Variants in NWD2 observed in about 807,000 individuals in gnomAD.
NWD2 encodes NACHT and WD repeat domain-containing protein 2.
In NWD2, 37 loss-of-function variants were observed where a neutral mutation model predicts 132.7. That is an observed-to-expected ratio of 0.28 (90% CI 0.21 to 0.37). The LOEUF is 0.37. Ranked by LOEUF, NWD2 falls within the 10% of genes least tolerant of loss-of-function variation. The pLI is 1.00. For missense variants in NWD2, 1,592 were observed against 2,122.4 expected, an observed-to-expected ratio of 0.75 and a Z score of 4.91; for synonymous variants, 705 against 803.0, an observed-to-expected ratio of 0.88 and a Z score of 2.06.
rs1239801461 is a variant in NWD2, at chr4:37,315,003, A to T, written c.152-10933A>T. ...TTTTGTTTTCCTTTGTGAATTTTTG[A>T]TGCATGAGTAATAATGTCAAATATT... is the stretch of plus-strand genomic sequence containing the variant. On this transcript the variant is annotated intron_variant, in intron 1 of 6. Coordinates refer to ENST00000309447, the MANE Select transcript of NWD2 (RefSeq NM_001144990.2). 2.6e-5 allele frequency among the ~76,000 whole-genome samples: 4 copies of T among 152,128 alleles called. No individual in the cohort carries two copies. The South Asian group carries it at 8.3e-4, about 32-fold the overall frequency.
chr4:37,306,405 A>C (rs941957540), intron 1 of NWD2, among the ~76,000 whole-genome samples: 2 of 152,024 alleles, frequency 1.3e-5, no homozygotes, highest in African/African-American at 4.8e-5. Context: ...GAGGCACAAC[A>C]TGAGGTTGTT....
At chr4:37,413,886 C>G (rs1721210777) in intron 3 of NWD2, among the ~76,000 whole-genome samples, 1 of 152,098 alleles carries the variant, frequency 6.6e-6, no homozygotes, top group East Asian at 1.9e-4. Flanking sequence ...AAACCAAACA[C>G]CGCATGTTCT....
intron 3 of NWD2, 92 bp from the exon 4 acceptor site, chr4:37,430,480 T>C: frequency 1.1e-6 from 1 of 870,182 alleles, no homozygotes; most frequent in Non-Finnish European, 1.8e-6. Flanking sequence ...TGTTATCTAT[T>C]GATTAATATT....
At chr4:37,438,335 C>A (rs1289349158) in intron 5 of NWD2, among the ~76,000 whole-genome samples, 1 of 151,856 alleles carries the variant, frequency 6.6e-6, no homozygotes, top group Non-Finnish European at 1.5e-5. Flanking sequence ...ACTCAATATA[C>A]CTCAAACAAA....
At chr4:37,385,528 TC>T (rs1720542045) in intron 3 of NWD2, among the ~76,000 whole-genome samples, 1 of 152,118 alleles carries the variant, frequency 6.6e-6, no homozygotes. Context: ...ATGCCTAATT[TC>T]ATCTCCCAGA....
At chr4:37,251,007 G>A (rs1717346829) in intron 1 of NWD2, among the ~76,000 whole-genome samples, 1 of 152,250 alleles carries the variant, frequency 6.6e-6, no homozygotes. Context: ...GGATGCAGTG[G>A]CTCACGCCTA....
chr4:37,426,387 C>A (rs1712008986), intron 3 of NWD2, among the ~76,000 whole-genome samples: 1 of 152,130 alleles, frequency 6.6e-6, no homozygotes, highest in African/African-American at 2.4e-5. Flanking sequence ...TTCTGAAGTT[C>A]TGTATTACCA....
intron 1 of NWD2, among the ~76,000 whole-genome samples, chr4:37,285,909 T>C (rs1718221766): frequency 6.6e-6 from 1 of 152,178 alleles, no homozygotes; most frequent in African/African-American, 2.4e-5. Flanking sequence ...TGAAAAGAAT[T>C]TCAGTCTGAT....
In NWD2 at chr4:37,445,297, C is replaced by T. The variant is rs1052725373; in HGVS notation, c.3309C>T (p.Cys1103=). 1.3e-5 allele frequency: 20 copies of T among 1,551,890 alleles called. No homozygotes were observed. The highest frequency in any genetic ancestry group is 5.9e-5 in the Admixed American group (3 of 50,990). ...YQFHCWYEVT[C]VQCSLDGLYA... ...TCCACTGCTGGTATGAAGTGACGTGCGTCCAGTGCTCCCTGGATGGTCTGT... is the reference window on the plus strand; with the variant it reads ...TCCACTGCTGGTATGAAGTGACGTGTGTCCAGTGCTCCCTGGATGGTCTGT... The change falls in exon 7 of 7, where the codon TGC becomes TGT. Residue 1103 remains cysteine, a synonymous_variant. Transcript: ENST00000309447. This position sits in a 1 kb window ranked among gnomAD's most constrained non-coding sequence, Gnocchi z 4.7.
At chr4:37,275,184 T>C (rs1717981344) in intron 1 of NWD2, among the ~76,000 whole-genome samples, 1 of 152,180 alleles carries the variant, frequency 6.6e-6, no homozygotes, top group African/African-American at 2.4e-5. Context: ...GAAAACCCCA[T>C]CGTCTTAGCC....
chr4:37,287,818 T>TTATATA (rs1331855165), intron 1 of NWD2, among the ~76,000 whole-genome samples: 2 of 152,216 alleles, frequency 1.3e-5, no homozygotes, highest in Non-Finnish European at 2.9e-5. Flanking sequence ...ATGGGTCCTG[T>TTATATA]TCCCAAAGGA....
At chr4:37,371,917 A>G (rs909278883) in intron 3 of NWD2, among the ~76,000 whole-genome samples, 8 of 152,196 alleles carry the variant, frequency 5.3e-5, no homozygotes, top group Non-Finnish European at 4.4e-5. Flanking sequence ...TCATGGTATA[A>G]ACACTCCTAA....
At chr4:37,274,193 TAAAGAAG>T (rs1203900215) in intron 1 of NWD2, among the ~76,000 whole-genome samples, 1 of 150,864 alleles carries the variant, frequency 6.6e-6, no homozygotes, top group Non-Finnish European at 1.5e-5. Context: ...GCAAGACTAA[TAAAGAAG>T]AAAAGAGAGA....
chr4:37,319,022 A>T (rs187099295), intron 1 of NWD2, among the ~76,000 whole-genome samples: 2 of 152,290 alleles, frequency 1.3e-5, no homozygotes, highest in Non-Finnish European at 2.9e-5. Flanking sequence ...GTCAAATGGT[A>T]GCTCTGTTTT....
intron 1 of NWD2, among the ~76,000 whole-genome samples, chr4:37,251,671 G>T (rs1717362953): frequency 6.6e-6 from 1 of 152,204 alleles, no homozygotes; most frequent in South Asian, 2.1e-4. Context: ...TCTTATGCAG[G>T]TGCATCCCTT....
intron 3 of NWD2, among the ~76,000 whole-genome samples, chr4:37,397,393 C>T (rs1407636691): frequency 6.6e-6 from 1 of 152,172 alleles, no homozygotes; most frequent in Non-Finnish European, 1.5e-5. Context: ...AATCAGTAGA[C>T]TTTGAGTAAA....
At chr4:37,299,171 C>G (rs1199820628) in intron 1 of NWD2, among the ~76,000 whole-genome samples, 2 of 152,114 alleles carry the variant, frequency 1.3e-5, no homozygotes, top group Non-Finnish European at 2.9e-5. Context: ...TCCCCCTATT[C>G]CAGTTTCTTC....
intron 3 of NWD2, among the ~76,000 whole-genome samples, chr4:37,405,306 G>A (rs1417201871): frequency 6.6e-6 from 1 of 152,114 alleles, no homozygotes; most frequent in Admixed American, 6.6e-5. Context: ...ACCATGTAAG[G>A]GAAGAGGTTT....
At chr4:37,293,215 C>T (rs1028991178) in intron 1 of NWD2, among the ~76,000 whole-genome samples, 1 of 152,154 alleles carries the variant, frequency 6.6e-6, no homozygotes, top group African/African-American at 2.4e-5. Context: ...ACCTCTTCAA[C>T]TTTCTCTTTC....
Sources: allele counts gnomAD v4.1 joint callset (sites outside exome capture counted in the v4.1 genomes callset), GRCh38; gene constraint gnomAD v4.1.1; non-coding constraint Gnocchi (gnomAD v3.1); transcripts MANE v1.5; gene names NCBI Gene and HGNC (gene_info 2026-07-23, HGNC 2026-07-21).